The following SPRR2F variants were observed in gnomAD, a reference collection of about 807,000 sequenced individuals.
SPRR2F encodes the protein small proline-rich protein 2F.
A neutral mutation model predicts 0.8 loss-of-function variants in SPRR2F; 2 were observed. The ratio of observed to expected loss-of-function variants is 2.52; its 90% confidence interval spans 1.03 to 7.95. The LOEUF is 7.95. SPRR2F is among the 30% of genes most tolerant of loss of function. The pLI is 0.04. For synonymous variants in SPRR2F, 39 were observed against 33.4 expected, an observed-to-expected ratio of 1.17 and a Z score of -0.58; for missense variants, 80 against 85.8, an observed-to-expected ratio of 0.93 and a Z score of 0.27.
Position 153,112,349 on chromosome 1 carries a change from A to G in SPRR2F, c.*166T>C. 3 of 1,328,864 alleles carry G rather than the reference A, an allele frequency of 2.3e-6. No individual in the cohort carries two copies. Among genetic ancestry groups the G allele is most frequent in the East Asian group, 4.8e-5 (2 of 41,664 alleles). The allele number at this position is 1,328,864 out of a possible 1,614,324, so 82.3% of individuals were successfully genotyped here. A position where few individuals can be genotyped will look rare whatever the true frequency, so the allele number is the denominator to read the frequency against. On this transcript the variant is annotated 3_prime_UTR_variant, in exon 2 of 2. Transcript: ENST00000468739. Reference sequence around the variant, plus strand: ...GTGGCAGTATGGCAGCCTCAAAAAGAAAACCTTTTGCTATCAGAGATCATC... The same window carrying G: ...GTGGCAGTATGGCAGCCTCAAAAAGGAAACCTTTTGCTATCAGAGATCATC...
upstream of SPRR2F, among the ~76,000 whole-genome samples, chr1:153,116,540 C>A (rs999635044): frequency 2.6e-5 from 4 of 152,138 alleles, no homozygotes; most frequent in African/African-American, 9.7e-5. Context: ...TCCTTTTAAG[C>A]ATCTCTGGCC....
chr1:153,117,472 T>A (rs1445308184), upstream of SPRR2F, among the ~76,000 whole-genome samples: 1 of 152,072 alleles, frequency 6.6e-6, no homozygotes, highest in Non-Finnish European at 1.5e-5. Context: ...TTACTATTAC[T>A]ATGATTAGCT....
upstream of SPRR2F, among the ~76,000 whole-genome samples, chr1:153,116,051 A>G (rs1655716940): frequency 6.6e-6 from 1 of 152,228 alleles, no homozygotes; most frequent in Non-Finnish European, 1.5e-5. Context: ...ACATGCAAGA[A>G]GAAACAGGAA....
At chr1:153,119,231 A>C in the SPRR2F span, among the ~76,000 whole-genome samples, 1 of 152,228 alleles carries the variant, frequency 6.6e-6, no homozygotes, top group Admixed American at 6.5e-5. Flanking sequence ...TTCGTCATCA[A>C]TGATTACTTT....
At chr1:153,117,955 G>C (rs1263610200), upstream of SPRR2F, among the ~76,000 whole-genome samples, 1 of 152,020 alleles carries the variant, frequency 6.6e-6, no homozygotes, top group Non-Finnish European at 1.5e-5. Flanking sequence ...TTAAAGAGAA[G>C]TTAAATAAAA....
chr1:153,113,745 A>AC (rs1200166977), upstream of SPRR2F, among the ~76,000 whole-genome samples: 5 of 152,162 alleles, frequency 3.3e-5, no homozygotes, highest in African/African-American at 1.2e-4. Flanking sequence ...AGTTTCAGTG[A>AC]CCTATGGCAA....
At chr1:153,117,862 C>T (rs376060407), upstream of SPRR2F, among the ~76,000 whole-genome samples, 71 of 151,992 alleles carry the variant, frequency 4.7e-4, no homozygotes, top group South Asian at 5.0e-3. Flanking sequence ...GCAAGTAAAC[C>T]GGACAAAATT....
In SPRR2F at chr1:153,112,318, T is replaced by C. The variant is rs1356149312; in HGVS notation, c.*197A>G. 6.7e-6 allele frequency: 7 copies of C among 1,049,998 alleles called. No homozygotes were observed. The highest frequency in any genetic ancestry group is 9.5e-6 in the Non-Finnish European group (7 of 739,152). 65.0% of individuals were successfully genotyped at this position (1,049,998 alleles called of 1,614,324 possible). ...GGACTTCCTTTGCTCAGTCTCCACC[T>C]GGACAGTGGCAGTATGGCAGCCTCA... On this transcript the variant is annotated 3_prime_UTR_variant, in exon 2 of 2. Transcript: ENST00000468739.
At chr1:153,114,050 G>T (rs1655667406), upstream of SPRR2F, among the ~76,000 whole-genome samples, 1 of 124,178 alleles carries the variant, frequency 8.1e-6, no homozygotes, top group Middle Eastern at 5.9e-3. Flanking sequence ...CCACAGGCAG[G>T]TCACCTCTCC....
upstream of SPRR2F, among the ~76,000 whole-genome samples, chr1:153,114,025 T>C (rs1000967779): frequency 5.5e-5 from 7 of 127,244 alleles, no homozygotes; most frequent in Non-Finnish European, 1.2e-4. Context: ...TTTTTTTTGT[T>C]GCTAAGTTGT....
At chr1:153,116,682 C>T (rs1165470516), upstream of SPRR2F, among the ~76,000 whole-genome samples, 1 of 152,076 alleles carries the variant, frequency 6.6e-6, no homozygotes, top group Non-Finnish European at 1.5e-5. Flanking sequence ...CTACCAGTGA[C>T]ATAAACACAG....
Position 153,112,443 on chromosome 1 carries a change from G to A in SPRR2F, c.*72C>T, listed in dbSNP as rs2101630901. ...CCCTGGATGGCTTTGATGAGAAGAT[G>A]CAGGTGGAGCTGTGGAACGAGGTGA... On this transcript the variant is annotated 3_prime_UTR_variant, in exon 2 of 2. Coordinates refer to ENST00000468739, the MANE Select transcript of SPRR2F (RefSeq NM_001014450.3). 1 of 1,553,856 alleles carries A rather than the reference G, an allele frequency of 6.4e-7. No homozygotes were observed. Among genetic ancestry groups the A allele is most frequent in the Non-Finnish European group, 8.7e-7 (1 of 1,149,486 alleles).
At chr1:153,114,728 C>G (rs1453955632), upstream of SPRR2F, among the ~76,000 whole-genome samples, 7 of 152,194 alleles carry the variant, frequency 4.6e-5, no homozygotes, top group Admixed American at 1.3e-4. Flanking sequence ...TATCAAGTCA[C>G]ACCCCAATGT....
chr1:153,117,346 C>T (rs1341784965), upstream of SPRR2F, among the ~76,000 whole-genome samples: 5 of 151,818 alleles, frequency 3.3e-5, no homozygotes, highest in Non-Finnish European at 5.9e-5. Context: ...CTGTTAAGTA[C>T]AAAAATAACT....
rs1007559879 is a variant in SPRR2F at position 153,112,448 on chromosome 1, T to C, written c.*67A>G. Reference sequence around the variant, plus strand: ...GATGGCTTTGATGAGAAGATGCAGGTGGAGCTGTGGAACGAGGTGAGCCAA... The same window carrying C: ...GATGGCTTTGATGAGAAGATGCAGGCGGAGCTGTGGAACGAGGTGAGCCAA... On this transcript the variant is annotated 3_prime_UTR_variant, in exon 2 of 2. Transcript: ENST00000468739. 18 of 1,560,784 alleles carry C rather than the reference T, an allele frequency of 1.2e-5. No homozygotes were observed. Among genetic ancestry groups the C allele is most frequent in the Non-Finnish European group, 1.6e-5 (18 of 1,152,690 alleles).
chr1:153,113,942 T>C (rs1177161320), upstream of SPRR2F, among the ~76,000 whole-genome samples: 2 of 150,142 alleles, frequency 1.3e-5, no homozygotes, highest in Non-Finnish European at 3.0e-5. Context: ...AATTTGCCAA[T>C]GCGCTAAAAG....
chr1:153,114,950 GAGA>G (rs577417070), upstream of SPRR2F, among the ~76,000 whole-genome samples: 386 of 152,258 alleles, frequency 2.5e-3, 3 homozygotes, highest in African/African-American at 8.9e-3. Context: ...TTTATAGTTG[GAGA>G]AGAAGAAAGG....
chr1:153,115,371 T>A (rs1249931922), upstream of SPRR2F, among the ~76,000 whole-genome samples: 1 of 152,086 alleles, frequency 6.6e-6, no homozygotes, highest in Non-Finnish European at 1.5e-5. Context: ...CATGCAAAAT[T>A]GGAGAATTGG....
chr1:153,112,354 CT>C lies in SPRR2F; in HGVS notation c.*160del, dbSNP rs1175032606. ...AGTATGGCAGCCTCAAAAAGAAAAC[CT>C]TTTGCTATCAGAGATCATCACAGGC... is the stretch of plus-strand genomic sequence containing the variant. On this transcript the variant is annotated 3_prime_UTR_variant, in exon 2 of 2. Transcript: ENST00000468739. 2.2e-6 allele frequency: 3 copies of C among 1,352,448 alleles called. No individual in the cohort carries two copies. The highest frequency in any genetic ancestry group is 3.0e-6 in the Non-Finnish European group (3 of 999,166). 83.8% of individuals were successfully genotyped at this position (1,352,448 alleles called of 1,614,324 possible).
Sources: allele counts gnomAD v4.1 joint callset (sites outside exome capture counted in the v4.1 genomes callset), GRCh38; gene constraint gnomAD v4.1.1; transcripts MANE v1.5; gene names NCBI Gene and HGNC (gene_info 2026-07-23, HGNC 2026-07-21).